Variants in SRD5A2 observed in about 807,000 individuals in gnomAD.
SRD5A2 encodes the protein steroid 5 alpha-reductase 2.
In SRD5A2, 30 loss-of-function variants were observed where a neutral mutation model predicts 27.4. That is an observed-to-expected ratio of 1.10 (90% CI 0.82 to 1.49). SRD5A2 has a LOEUF of 1.49. Ranked by LOEUF, SRD5A2 falls within the 40% of genes most tolerant of loss-of-function variation. The pLI is 0.00. For synonymous variants in SRD5A2, 141 were observed against 133.6 expected (o/e 1.06, Z -0.38); for missense variants, 348 against 323.4 (o/e 1.08, Z -0.58).
chr2:31,607,788 A>G, the SRD5A2 span, among the ~76,000 whole-genome samples: 1 of 151,932 alleles, frequency 6.6e-6, no homozygotes, highest in South Asian at 2.1e-4. Context: ...TTAGGAACTG[A>G]ATGTTTGTAT....
the SRD5A2 span, among the ~76,000 whole-genome samples, chr2:31,653,244 C>A: frequency 6.6e-6 from 1 of 152,162 alleles, no homozygotes; most frequent in African/African-American, 2.4e-5. Flanking sequence ...ATCAATCATT[C>A]AGAAGTCTGA....
At chr2:31,526,803 A>AT (rs968328552) in intron 4 of SRD5A2, 139 of 150,332 alleles carry the variant, frequency 9.2e-4, no homozygotes, top group Non-Finnish European at 1.4e-3. Flanking sequence ...TGAGAGGGTA[A>AT]TTTTTTTTTT....
At chr2:31,529,265 A>T in intron 4 of SRD5A2, 42 bp downstream of exon 4, 1 of 1,610,796 alleles carries the variant, frequency 6.2e-7, no homozygotes, top group African/African-American at 1.3e-5. Context: ...TTGGAGAAGA[A>T]GAAAGCTACG....
the SRD5A2 span, among the ~76,000 whole-genome samples, chr2:31,653,058 A>G: frequency 6.6e-6 from 1 of 152,142 alleles, no homozygotes; most frequent in East Asian, 1.9e-4. Flanking sequence ...ATTCCAGTTT[A>G]CTTGTTTCTT....
chr2:31,544,613 T>C (rs925247102), intron 1 of SRD5A2, among the ~76,000 whole-genome samples: 1 of 151,820 alleles, frequency 6.6e-6, no homozygotes, highest in Non-Finnish European at 1.5e-5. Flanking sequence ...AGGAAGATCC[T>C]ATATCAGCCA....
At chr2:31,621,645 G>A in the SRD5A2 span, among the ~76,000 whole-genome samples, 1 of 151,804 alleles carries the variant, frequency 6.6e-6, no homozygotes, top group Non-Finnish European at 1.5e-5. Context: ...GCTTTGTTTT[G>A]TTTAAAGACA....
chr2:31,554,924 CGTGTGTGTGT>C lies in SRD5A2; in HGVS notation c.282-21168_282-21159del, dbSNP rs59697517. ...CTGGTAAGATGGCCTCTATCCTGAT[CGTGTGTGTGT>C]GTGTGTGTGTGTGTGTGTGTGTGTG... On this transcript the variant is annotated intron_variant, in intron 1 of 4. Coordinates refer to ENST00000622030, the MANE Select transcript of SRD5A2 (RefSeq NM_000348.4). Among the ~76,000 whole-genome samples, 267 of 132,202 alleles carry C rather than the reference CGTGTGTGTGT, an allele frequency of 2.0e-3. 1 individual carries two copies. Among genetic ancestry groups the C allele is most frequent in the African/African-American group, 5.7e-3 (199 of 35,044 alleles). 86.7% of individuals were successfully genotyped at this position (132,202 alleles called of 152,430 possible).
chr2:31,618,674 G>GT, the SRD5A2 span, among the ~76,000 whole-genome samples: 1 of 152,092 alleles, frequency 6.6e-6, no homozygotes, highest in African/African-American at 2.4e-5. Context: ...GAGGCTAAGG[G>GT]TAAGAGGGAG....
the SRD5A2 span, among the ~76,000 whole-genome samples, chr2:31,641,773 T>C: frequency 6.6e-6 from 1 of 151,926 alleles, no homozygotes; most frequent in African/African-American, 2.4e-5. Context: ...GATCCATTCC[T>C]GGGGGAAAAA....
the SRD5A2 span, among the ~76,000 whole-genome samples, chr2:31,615,325 T>C: frequency 6.6e-6 from 1 of 152,170 alleles, no homozygotes; most frequent in Non-Finnish European, 1.5e-5. Flanking sequence ...TAGAGACTTG[T>C]TGAATGGCTT....
rs757969706 is a variant in SRD5A2, at chr2:31,580,658, C to A, written c.243G>T (p.Thr81=). 1.4e-5 allele frequency: 23 copies of A among 1,591,350 alleles called. No homozygotes were observed. In the Admixed American group the frequency reaches 3.9e-4, roughly 27 times the overall value. Residue 81 remains threonine (T), a synonymous_variant, in exon 1 of 5, where the codon ACG becomes ACT. Transcript: ENST00000622030. ...QPLSLFGPPG[T]VLLGLFCLHY... ...GTAGGCAGAAGAGGCCCAGAAGTAC[C>A]GTCCCAGGTGGCCCGAAGAGGGAGA... is the stretch of plus-strand genomic sequence containing the variant.
chr2:31,577,162 T>TAAAAAAAAAAAAAAAAAAAAAAAAATAA (rs10683997), intron 1 of SRD5A2, among the ~76,000 whole-genome samples: 1 of 57,174 alleles, frequency 1.7e-5, no homozygotes, highest in African/African-American at 7.3e-5. Flanking sequence ...AAAAAAACAT[T>TAAAAAAAAAAAAAAAAAAAAAAAAATAA]AAAAAAAAAA....
the SRD5A2 span, among the ~76,000 whole-genome samples, chr2:31,608,088 G>T: frequency 6.6e-6 from 1 of 151,972 alleles, no homozygotes; most frequent in South Asian, 2.1e-4. Flanking sequence ...TGTTTAAGCT[G>T]ACCAGCCTAT....
chr2:31,639,801 T>C, the SRD5A2 span, among the ~76,000 whole-genome samples: 5 of 152,102 alleles, frequency 3.3e-5, no homozygotes, highest in Non-Finnish European at 7.4e-5. Context: ...ATTTGAGAAT[T>C]TGATTCTTAT....
chr2:31,601,130 C>G, the SRD5A2 span, among the ~76,000 whole-genome samples: 1 of 151,862 alleles, frequency 6.6e-6, no homozygotes, highest in South Asian at 2.1e-4. Flanking sequence ...ATCAACCAAT[C>G]TAGAAGCTGG....
At chr2:31,584,962 G>T (rs746772994), upstream of SRD5A2, among the ~76,000 whole-genome samples, 9 of 152,194 alleles carry the variant, frequency 5.9e-5, no homozygotes, top group Non-Finnish European at 1.3e-4. Context: ...TGGCAGCTGT[G>T]GTGTGGTGCA....
chr2:31,577,183 G>GGGAAAAAAA, intron 1 of SRD5A2, among the ~76,000 whole-genome samples: 1 of 10,418 alleles, frequency 9.6e-5, no homozygotes, highest in African/African-American at 3.0e-4. Flanking sequence ...AAAAAAAAAA[G>GGGAAAAAAA]AGGTGAGATA....
the SRD5A2 span, among the ~76,000 whole-genome samples, chr2:31,639,440 T>A: frequency 6.6e-6 from 1 of 152,126 alleles, no homozygotes; most frequent in African/African-American, 2.4e-5. Flanking sequence ...GTGGGCTTTA[T>A]ACCTTGAAAA....
the SRD5A2 span, among the ~76,000 whole-genome samples, chr2:31,657,743 G>C: frequency 6.6e-6 from 1 of 152,084 alleles, no homozygotes; most frequent in Non-Finnish European, 1.5e-5. Context: ...AAAAACTCAA[G>C]TAGAGAAATA....
Sources: allele counts gnomAD v4.1 joint callset (sites outside exome capture counted in the v4.1 genomes callset), GRCh38; gene constraint gnomAD v4.1.1; transcripts MANE v1.5; gene names NCBI Gene and HGNC (gene_info 2026-07-23, HGNC 2026-07-21).